Variants in ABHD2 observed in about 807,000 individuals in gnomAD.
The protein encoded by ABHD2 is monoacylglycerol lipase ABHD2.
In ABHD2, 20 loss-of-function variants were observed where a neutral mutation model predicts 48.1. The observed-to-expected ratio is 0.42, with a 90% CI of 0.29 to 0.60. The LOEUF is 0.60. Among genes scored for constraint, ABHD2 ranks in the 20% least tolerant of loss-of-function variants. ABHD2 has a pLI of 0.24. For missense variants in ABHD2, 405 were observed against 550.9 expected (o/e 0.74, Z 2.65); for synonymous variants, 209 against 214.2 (o/e 0.98, Z 0.21).
upstream of ABHD2, among the ~76,000 whole-genome samples, chr15:89,083,779 T>C (rs1901314945): frequency 6.6e-6 from 1 of 152,208 alleles, no homozygotes; most frequent in Admixed American, 6.5e-5. This position sits in a 1 kb window ranked among gnomAD's most constrained non-coding sequence, Gnocchi z 5.1. Flanking sequence ...GAAAGCCTTT[T>C]CTAATAACAA....
At position 89,195,351 on chromosome 15, in the gene ABHD2, C is replaced by T. The variant is rs746027991; in HGVS notation, c.1206C>T (p.Asn402=). 2.4e-5 allele frequency: 39 copies of T among 1,614,116 alleles called. No homozygotes were observed. The Admixed American group carries it at 4.0e-4, about 17-fold the overall frequency. Residue 402 remains asparagine (N), a synonymous_variant, in exon 11 of 11, where the codon AAC becomes AAT. Coordinates refer to ENST00000352732, the MANE Select transcript of ABHD2 (RefSeq NM_152924.5). This position sits in a 1 kb window ranked among gnomAD's most constrained non-coding sequence, Gnocchi z 5.1. ...WMDKLVVEYA[N]AICQWERNKL... ...ATAAGCTGGTGGTGGAGTACGCCAA[C>T]GCCATTTGCCAATGGGAGCGTAACA... is the stretch of plus-strand genomic sequence containing the variant.
intron 1 of ABHD2, among the ~76,000 whole-genome samples, chr15:89,098,708 C>T (rs765622744): frequency 4.1e-4 from 62 of 152,134 alleles, no homozygotes; most frequent in Non-Finnish European, 1.3e-4. Context: ...TAGATTATAG[C>T]CAAGGATATT....
chr15:89,129,937 A>G (rs563829910), intron 3 of ABHD2, among the ~76,000 whole-genome samples: 190 of 152,342 alleles, frequency 1.2e-3, no homozygotes, highest in African/African-American at 4.4e-3. Context: ...AAAAGACATA[A>G]TGTACACGAA....
chr15:89,195,067 GC>G lies in ABHD2; in HGVS notation c.1082-155del, dbSNP rs1377069359. On this transcript the variant is annotated intron_variant, in intron 10 of 10. Transcript: ENST00000352732. The surrounding 1 kb of genome is among the most constrained non-coding windows in gnomAD (Gnocchi z 5.1). ...CCTGCTAGATGCCACTGTCTTGCCT[GC>G]CCCCTCTTTGGTGAACAAGGCAGAG... Among the ~76,000 whole-genome samples, 2 of 152,186 alleles carry G rather than the reference GC, an allele frequency of 1.3e-5. No homozygotes were observed. Among genetic ancestry groups the G allele is most frequent in the Non-Finnish European group, 2.9e-5 (2 of 68,042 alleles).
chr15:89,113,821 A>G lies in ABHD2; in HGVS notation c.-10A>G, dbSNP rs980040823. On this transcript the variant is annotated 5_prime_UTR_variant, in exon 2 of 11. Coordinates refer to ENST00000352732, the MANE Select transcript of ABHD2 (RefSeq NM_152924.5). ...ATTTGCAGTGGGAAGAATAAGTAACATTGGTATGTATTGCTGAGACTCTTA... is the reference window on the plus strand; with the variant it reads ...ATTTGCAGTGGGAAGAATAAGTAACGTTGGTATGTATTGCTGAGACTCTTA... 1 of 152,206 alleles carries G rather than the reference A, an allele frequency of 6.6e-6. No homozygotes were observed. The highest frequency in any genetic ancestry group is 6.5e-5 in the Admixed American group (1 of 15,282). The allele number at this position is 152,206 out of a possible 1,614,324, so 9.4% of individuals were successfully genotyped here.
the ABHD2 span, among the ~76,000 whole-genome samples, chr15:89,055,691 A>T: frequency 1.3e-5 from 2 of 152,070 alleles, no homozygotes; most frequent in Non-Finnish European, 2.9e-5. Flanking sequence ...AACACCCTGG[A>T]TGTCTACCAA....
intron 3 of ABHD2, among the ~76,000 whole-genome samples, chr15:89,142,096 C>T (rs1201174710): frequency 2.0e-5 from 3 of 152,136 alleles, no homozygotes; most frequent in Admixed American, 1.3e-4. Context: ...GACGCAGTGG[C>T]CAAGGCCCCA....
At chr15:89,052,558 GACACACACAC>G in the ABHD2 span, among the ~76,000 whole-genome samples, 1 of 124,150 alleles carries the variant, frequency 8.1e-6, no homozygotes, top group South Asian at 2.6e-4. Context: ...CAGACAGACA[GACACACACAC>G]ACACACACAC....
the ABHD2 span, among the ~76,000 whole-genome samples, chr15:89,065,515 A>C: frequency 6.6e-6 from 1 of 152,114 alleles, no homozygotes; most frequent in Admixed American, 6.5e-5. Context: ...CTCTTGGGTA[A>C]AATTAATGCC....
intron 3 of ABHD2, among the ~76,000 whole-genome samples, chr15:89,150,286 T>G (rs1196591740): frequency 6.6e-6 from 1 of 152,224 alleles, no homozygotes; most frequent in African/African-American, 2.4e-5. Context: ...TATGCAAAAC[T>G]TATTATCTAA....
At chr15:89,060,883 G>A in the ABHD2 span, among the ~76,000 whole-genome samples, 1 of 151,780 alleles carries the variant, frequency 6.6e-6, no homozygotes, top group South Asian at 2.1e-4. Context: ...AATGTGGATC[G>A]AGAGTATTTT....
chr15:89,060,239 C>G, the ABHD2 span, among the ~76,000 whole-genome samples: 1 of 151,788 alleles, frequency 6.6e-6, no homozygotes, highest in African/African-American at 2.4e-5. Flanking sequence ...TACAGGCACC[C>G]ACAACCATGC....
chr15:89,084,997 C>G (rs992299874), upstream of ABHD2, among the ~76,000 whole-genome samples: 1 of 152,132 alleles, frequency 6.6e-6, no homozygotes, highest in Non-Finnish European at 1.5e-5. This position sits in a 1 kb window ranked among gnomAD's most constrained non-coding sequence, Gnocchi z 4.4. Context: ...CCCGAGGACA[C>G]AGAATAACAA....
chr15:89,066,843 A>C, the ABHD2 span, among the ~76,000 whole-genome samples: 1 of 152,198 alleles, frequency 6.6e-6, no homozygotes, highest in Admixed American at 6.5e-5. Context: ...TCTGCAGCTG[A>C]GTGCCTGATT....
chr15:89,071,069 G>A, the ABHD2 span, among the ~76,000 whole-genome samples: 1 of 152,026 alleles, frequency 6.6e-6, no homozygotes, highest in African/African-American at 2.4e-5. Context: ...ATTAACCTCA[G>A]TAGGGAAGGC....
chr15:89,082,915 T>C (rs201310073), upstream of ABHD2: 1 of 152,184 alleles, frequency 6.6e-6, no homozygotes, highest in East Asian at 1.9e-4. This position sits in a 1 kb window ranked among gnomAD's most constrained non-coding sequence, Gnocchi z 4.4. Flanking sequence ...GTAATCTCAG[T>C]GCAATCTTGG....
At chr15:89,085,570 C>T (rs1200377280), upstream of ABHD2, among the ~76,000 whole-genome samples, 3 of 152,160 alleles carry the variant, frequency 2.0e-5, no homozygotes, top group Non-Finnish European at 4.4e-5. This position sits in a 1 kb window ranked among gnomAD's most constrained non-coding sequence, Gnocchi z 4.2. Context: ...TCCTTTTACT[C>T]TTCCTCCTCT....
the ABHD2 span, among the ~76,000 whole-genome samples, chr15:89,070,781 G>C: frequency 6.6e-6 from 1 of 152,140 alleles, no homozygotes; most frequent in Non-Finnish European, 1.5e-5. Flanking sequence ...TGGACATCTT[G>C]AAATTCCACT....
At chr15:89,064,381 G>A in the ABHD2 span, among the ~76,000 whole-genome samples, 5 of 151,896 alleles carry the variant, frequency 3.3e-5, no homozygotes, top group South Asian at 2.1e-4. Flanking sequence ...TACCACGCCC[G>A]GCTAATTTTT....
Sources: allele counts gnomAD v4.1 joint callset (sites outside exome capture counted in the v4.1 genomes callset), GRCh38; gene constraint gnomAD v4.1.1; non-coding constraint Gnocchi (gnomAD v3.1); transcripts MANE v1.5; gene names NCBI Gene and HGNC (gene_info 2026-07-23, HGNC 2026-07-21).